The following SMARCA2 variants were observed in gnomAD, a reference collection of about 807,000 sequenced individuals.
SMARCA2 encodes the protein SWI/SNF related BAF chromatin remodeling complex subunit ATPase 2.
SMARCA2 carries 61 observed loss-of-function variants against 199.8 expected under a neutral mutation model. The observed-to-expected ratio is 0.31, with a 90% confidence interval of 0.25 to 0.38. SMARCA2 has a LOEUF of 0.38. Among genes scored for constraint, SMARCA2 ranks in the 10% least tolerant of loss-of-function variants. The pLI is 1.00. For missense variants in SMARCA2, 1,344 were observed against 2,012.2 expected (o/e 0.67, Z 6.35); for synonymous variants, 935 against 732.0 (o/e 1.28, Z -4.48).
chr9:2,145,650 C>T (rs1413673008), intron 27 of SMARCA2, among the ~76,000 whole-genome samples: 1 of 152,160 alleles, frequency 6.6e-6, no homozygotes, highest in African/African-American at 2.4e-5. Context: ...ATACCTAGAA[C>T]AAATACATTT....
intron 27 of SMARCA2, among the ~76,000 whole-genome samples, chr9:2,146,410 G>GA (rs1371669837): frequency 6.6e-6 from 1 of 152,138 alleles, no homozygotes; most frequent in Non-Finnish European, 1.5e-5. Context: ...AGATCATAGA[G>GA]ATCTCTAGAT....
intron 3 of SMARCA2, among the ~76,000 whole-genome samples, chr9:2,035,384 A>G (rs1819283091): frequency 6.6e-6 from 1 of 152,104 alleles, no homozygotes; most frequent in East Asian, 1.9e-4. Context: ...TAGATGAGTA[A>G]CGTTTAGTGA....
chr9:2,033,324 G>C, intron 3 of SMARCA2: 1 of 438,544 alleles, frequency 2.3e-6, no homozygotes, highest in Non-Finnish European at 4.1e-6. Context: ...AGTCTGCAAA[G>C]AGCTCTATGT....
chr9:2,149,135 A>C (rs920213229), intron 27 of SMARCA2, among the ~76,000 whole-genome samples: 4 of 151,288 alleles, frequency 2.6e-5, no homozygotes, highest in African/African-American at 9.7e-5. Flanking sequence ...TTACAGTTCC[A>C]CATGGCTGGG....
chr9:2,072,264 C>G (rs1031259892), intron 10 of SMARCA2, among the ~76,000 whole-genome samples: 7 of 152,190 alleles, frequency 4.6e-5, no homozygotes, highest in African/African-American at 1.7e-4. Context: ...TTGAACCACT[C>G]ACAGACCAAG....
In SMARCA2 at chr9:2,054,624, A is replaced by G. The variant is rs928529864; in HGVS notation, c.1074A>G (p.Ile358Met). The G allele has an allele frequency of 1.2e-6, 2 of 1,614,040 alleles. No individual in the cohort carries two copies. The highest frequency in any genetic ancestry group is 1.3e-5 in the African/African-American group (1 of 74,924). The change falls in exon 6 of 34, where the codon ATA becomes ATG. Residue 358 changes from isoleucine (I) to methionine (M), a missense_variant. Physicochemically the swap from Ile to Met is conservative, Grantham distance 10. This residue lies in a region of SMARCA2 where 155 missense variants were observed against 260.0 expected (regional missense o/e 0.60). Coordinates refer to ENST00000349721, the MANE Select transcript of SMARCA2 (RefSeq NM_003070.5). ...YRLQARIAHRIQELENLPGSL... is the reference protein window; with the variant it reads ...YRLQARIAHRMQELENLPGSL... ...TTCAGGCCCGCATAGCTCATAGGAT[A>G]CAAGAACTGGAAAATCTGCCTGGCT...
At chr9:2,171,817 G>A (rs1826260721) in intron 29 of SMARCA2, among the ~76,000 whole-genome samples, 1 of 152,182 alleles carries the variant, frequency 6.6e-6, no homozygotes, top group African/African-American at 2.4e-5. Context: ...ACAGGGACAG[G>A]CAGGAGCTCC....
intron 27 of SMARCA2, among the ~76,000 whole-genome samples, chr9:2,150,021 C>T (rs984754599): frequency 6.6e-6 from 1 of 151,410 alleles, no homozygotes; most frequent in African/African-American, 2.4e-5. Flanking sequence ...TGTGTATGTG[C>T]ATCTATGTGT....
intron 7 of SMARCA2, 181 bp from the exon 8 acceptor site, chr9:2,058,110 C>T (rs999839284): frequency 1.5e-5 from 9 of 581,342 alleles, no homozygotes; most frequent in Non-Finnish European, 2.8e-5. Flanking sequence ...CTATCTTTCC[C>T]ACCAGCCCCA....
chr9:2,100,661 C>A (rs1252366809), intron 21 of SMARCA2, among the ~76,000 whole-genome samples: 1 of 151,602 alleles, frequency 6.6e-6, no homozygotes, highest in Non-Finnish European at 1.5e-5. Flanking sequence ...TGAGACTGCG[C>A]CACTGCACTC....
chr9:2,091,288 C>T (rs1404089742), intron 19 of SMARCA2, among the ~76,000 whole-genome samples: 1 of 152,112 alleles, frequency 6.6e-6, no homozygotes, highest in East Asian at 1.9e-4. Flanking sequence ...GGCTCGTAGC[C>T]TCATGCAGCC....
intron 20 of SMARCA2, chr9:2,097,096 G>T: frequency 2.1e-6 from 1 of 487,308 alleles, no homozygotes; most frequent in Non-Finnish European, 3.7e-6. Context: ...CTGTGCTTCT[G>T]TGTTCCGGAG....
intron 27 of SMARCA2, among the ~76,000 whole-genome samples, chr9:2,155,357 A>C (rs906475590): frequency 6.6e-6 from 1 of 151,842 alleles, no homozygotes; most frequent in Non-Finnish European, 1.5e-5. Flanking sequence ...ATCTCGGCTC[A>C]CTGCAGCCTC....
chr9:2,022,472 T>G (rs911843075), intron 1 of SMARCA2, among the ~76,000 whole-genome samples: 2 of 152,258 alleles, frequency 1.3e-5, no homozygotes, highest in Admixed American at 6.5e-5. Context: ...TTATCCATTT[T>G]AACTGCAATG....
Position 2,110,479 on chromosome 9 carries a change from T to C in SMARCA2, c.3456+62T>C. Reference sequence around the variant, plus strand: ...TGGAGAGCAACTAAAAGATGATCAGTTTCATTATTCACATTTACAGGACAG... The same window carrying C: ...TGGAGAGCAACTAAAAGATGATCAGCTTCATTATTCACATTTACAGGACAG... On this transcript the variant is annotated intron_variant, in intron 24 of 33. Transcript: ENST00000349721. The surrounding 1 kb of genome is among the most constrained non-coding windows in gnomAD (Gnocchi z 4.8). 3.7e-6 allele frequency: 5 copies of C among 1,352,182 alleles called. No individual in the cohort carries two copies. The highest frequency in any genetic ancestry group is 2.5e-4 in the Middle Eastern group (1 of 3,980). The allele number at this position is 1,352,182 out of a possible 1,614,324, so 83.8% of individuals were successfully genotyped here.
At chr9:2,176,636 C>T (rs1175104806) in intron 29 of SMARCA2, among the ~76,000 whole-genome samples, 4 of 152,162 alleles carry the variant, frequency 2.6e-5, no homozygotes. Context: ...GCTGCGACCT[C>T]TGCCTCCTGG....
rs1397714800 is a variant in SMARCA2, at chr9:2,191,422, A to G, written c.4737+14A>G. 1 of 1,613,688 alleles carries G rather than the reference A, an allele frequency of 6.2e-7. No homozygotes were observed. Among genetic ancestry groups the G allele is most frequent in the Non-Finnish European group, 8.5e-7 (1 of 1,179,656 alleles). ...CAGGATGAACGTGTAAGTGTAGCCG[A>G]CTGGGACTGAAGGCGGAGACGCCCT... On this transcript the variant is annotated intron_variant, in intron 33 of 33. Transcript: ENST00000349721.
At chr9:2,084,912 G>A (rs1290960754) in intron 17 of SMARCA2, among the ~76,000 whole-genome samples, 2 of 152,148 alleles carry the variant, frequency 1.3e-5, no homozygotes, top group South Asian at 4.1e-4. Context: ...AAAGATGGAA[G>A]TGCTCTCTTT....
At chr9:2,159,592 C>G (rs1054111838) in intron 27 of SMARCA2, 5 of 454,422 alleles carry the variant, frequency 1.1e-5, no homozygotes, top group Admixed American at 1.1e-4. Context: ...GAGCTAAAAT[C>G]TCTAATTCTG....
Sources: allele counts gnomAD v4.1 joint callset (sites outside exome capture counted in the v4.1 genomes callset), GRCh38; gene constraint gnomAD v4.1.1; regional missense constraint gnomAD v4.1.1; non-coding constraint Gnocchi (gnomAD v3.1); transcripts MANE v1.5; gene names NCBI Gene and HGNC (gene_info 2026-07-23, HGNC 2026-07-21).